Variants in KDM3B observed in about 807,000 individuals in gnomAD.
The protein encoded by KDM3B is lysine demethylase 3B.
Under a neutral mutation model 170.0 loss-of-function variants are expected in KDM3B, and 10 were observed. That is an observed-to-expected ratio of 0.06 (90% CI 0.04 to 0.10). The LOEUF (loss-of-function observed/expected upper bound fraction) is 0.10, where lower values mean the gene tolerates loss of function less well. Among genes scored for constraint, KDM3B ranks in the 10% least tolerant of loss-of-function variants. The pLI, the probability that KDM3B is intolerant of heterozygous loss-of-function variation, is 1.00. For missense variants in KDM3B, 1,394 were observed against 2,195.2 expected (o/e 0.64, Z 7.29); for synonymous variants, 831 against 834.8 (o/e 1.00, Z 0.08).
At chr5:138,407,063 G>A (rs1276935341) in intron 11 of KDM3B, among the ~76,000 whole-genome samples, 1 of 144,530 alleles carries the variant, frequency 6.9e-6, no homozygotes, top group Non-Finnish European at 1.5e-5. Context: ...TCAGCCCACT[G>A]CAACCTCCAT....
At chr5:138,430,521 T>G (rs1763503413) in intron 22 of KDM3B, 96 bp downstream of exon 22, 1 of 1,081,306 alleles carries the variant, frequency 9.2e-7, no homozygotes, top group African/African-American at 1.6e-5. Context: ...GTAGCTGGAT[T>G]GGACTGATCT....
intron 13 of KDM3B, among the ~76,000 whole-genome samples, chr5:138,418,402 C>T (rs1304513155): frequency 6.6e-6 from 1 of 152,030 alleles, no homozygotes; most frequent in Non-Finnish European, 1.5e-5. Flanking sequence ...CAGACACGCA[C>T]AACCAACTGC....
In KDM3B at chr5:138,352,836, T is replaced by G; in HGVS notation, c.41T>G (p.Leu14Arg). The G allele has an allele frequency of 2.2e-6, 3 of 1,358,742 alleles. No individual in the cohort carries two copies. Among genetic ancestry groups the G allele is most frequent in the Non-Finnish European group, 2.9e-6 (3 of 1,052,468 alleles). 84.2% of individuals were successfully genotyped at this position (1,358,742 alleles called of 1,614,324 possible). A position where few individuals can be genotyped will look rare whatever the true frequency, so the allele number is the denominator to read the frequency against. Residue 14 changes from leucine (L) to arginine (R), a missense_variant, in exon 1 of 24, where the codon CTG (leucine) becomes CGG (arginine). Physicochemically the swap from Leu to Arg is moderately radical, Grantham distance 102 (BLOSUM62 -2). This residue lies in a region of KDM3B where 99 missense variants were observed against 97.5 expected (regional missense o/e 1.02). Transcript: ENST00000314358. ...AAASPVGKRL[L>R]LLFADTAASA... ...GCCTCCCCGGTGGGCAAGCGGCTGC[T>G]GCTGCTGTTCGCGGACACTGCGGCC... is the stretch of plus-strand genomic sequence containing the variant.
At chr5:138,387,064 T>C (rs533534235) in intron 7 of KDM3B, among the ~76,000 whole-genome samples, 22 of 150,506 alleles carry the variant, frequency 1.5e-4, no homozygotes, top group Non-Finnish European at 3.0e-4. Context: ...TCTATGATAT[T>C]TTCCCTTGAG....
chr5:138,424,399 T>C, intron 16 of KDM3B, 58 bp downstream of exon 16: 1 of 1,550,054 alleles, frequency 6.5e-7, no homozygotes. Context: ...CACAGATACC[T>C]GGACAATTCC....
intron 5 of KDM3B, 121 bp downstream of exon 5, chr5:138,379,829 A>G (rs921570141): frequency 2.3e-6 from 2 of 874,956 alleles, no homozygotes; most frequent in African/African-American, 1.7e-5. Flanking sequence ...CTATTACTTA[A>G]TAGTTGTATA....
intron 14 of KDM3B, among the ~76,000 whole-genome samples, chr5:138,419,688 T>TATACACAC (rs1192676979): frequency 8.4e-6 from 1 of 119,112 alleles, no homozygotes; most frequent in African/African-American, 3.3e-5. Context: ...TATATATATA[T>TATACACAC]ACATATATAT....
chr5:138,414,925 C>G (rs1763064715), intron 11 of KDM3B, among the ~76,000 whole-genome samples: 1 of 152,078 alleles, frequency 6.6e-6, no homozygotes, highest in African/African-American at 2.4e-5. Flanking sequence ...CCACTAGACT[C>G]CAGCATGGAT....
rs1425948690 is a variant in KDM3B at position 138,386,413 on chromosome 5, A to G, written c.1172A>G (p.Gln391Arg). ...SFTPYSTATG[Q>R]TPLAPEVGGA... ...ACTCCATATTCTACAGCCACAGGTC[A>G]GACACCTTTGGCCCCAGAGGTGGGT... The change falls in exon 7 of 24, where the codon CAG (glutamine) becomes CGG (arginine). Residue 391 changes from glutamine (Q) to arginine (R), a missense_variant. Around this residue, in one of 19 missense-constraint regions of KDM3B, gnomAD observed 205 missense variants for 227.6 expected, o/e 0.90. Coordinates refer to ENST00000314358, the MANE Select transcript of KDM3B (RefSeq NM_016604.4). 1.2e-6 allele frequency: 2 copies of G among 1,614,220 alleles called. No individual in the cohort carries two copies. Among genetic ancestry groups the G allele is most frequent in the Admixed American group, 3.3e-5 (2 of 60,022 alleles).
chr5:138,362,177 C>T (rs917754126), intron 1 of KDM3B, among the ~76,000 whole-genome samples: 9 of 151,818 alleles, frequency 5.9e-5, no homozygotes, highest in Non-Finnish European at 2.9e-5. Flanking sequence ...AAAAATTAGC[C>T]GGGCATGGTG....
At chr5:138,406,867 A>C (rs1219741471) in intron 11 of KDM3B, among the ~76,000 whole-genome samples, 2 of 152,026 alleles carry the variant, frequency 1.3e-5, no homozygotes, top group Non-Finnish European at 2.9e-5. Context: ...CCAGCAGGGG[A>C]ACATAGTGAG....
chr5:138,423,352 T>C (rs995001938), intron 15 of KDM3B, among the ~76,000 whole-genome samples: 3 of 152,250 alleles, frequency 2.0e-5, no homozygotes, highest in Non-Finnish European at 2.9e-5. Flanking sequence ...TCCCATGATG[T>C]TACATAATTA....
At chr5:138,381,683 C>G (rs1216992514) in intron 6 of KDM3B, 93 bp downstream of exon 6, 5 of 772,350 alleles carry the variant, frequency 6.5e-6, no homozygotes, top group Admixed American at 2.2e-5. Context: ...CCATGGATGC[C>G]TTTTGAGTTG....
rs181513721 is a variant in KDM3B, at chr5:138,419,932, C to T, written c.3715+700C>T. Among the ~76,000 whole-genome samples the T allele has an allele frequency of 2.1e-3, 312 of 152,114 alleles. 1 individual carries two copies. The highest frequency in any genetic ancestry group is 6.5e-3 in the African/African-American group (270 of 41,512). ...TTGCTCTTGTTGCCTGGAGTTCCGG[C>T]TGGAGTGCAGTGGCGCGATCTTGGC... On this transcript the variant is annotated intron_variant, in intron 14 of 23. Transcript: ENST00000314358.
intron 1 of KDM3B, among the ~76,000 whole-genome samples, chr5:138,366,302 A>G (rs1012291662): frequency 6.6e-6 from 1 of 151,972 alleles, no homozygotes; most frequent in Non-Finnish European, 1.5e-5. Context: ...AGTTTTGAGA[A>G]CTTCCCCCCA....
chr5:138,355,891 T>C (rs1761436280), intron 1 of KDM3B, among the ~76,000 whole-genome samples: 1 of 152,258 alleles, frequency 6.6e-6, no homozygotes, highest in Non-Finnish European at 1.5e-5. Flanking sequence ...ATCTCTTTGC[T>C]CATCTTTCTT....
At chr5:138,407,012 G>A (rs1057250603) in intron 11 of KDM3B, among the ~76,000 whole-genome samples, 4 of 132,840 alleles carry the variant, frequency 3.0e-5, no homozygotes, top group Non-Finnish European at 6.2e-5. Flanking sequence ...TTGAGACAGC[G>A]TCTATCTCTG....
chr5:138,432,869 C>T (rs889993986), intron 23 of KDM3B, among the ~76,000 whole-genome samples: 8 of 151,418 alleles, frequency 5.3e-5, no homozygotes, highest in African/African-American at 1.9e-4. Flanking sequence ...CTCAGCCTCC[C>T]GAGTAGCTGG....
At chr5:138,402,935 T>G (rs533103031) in intron 11 of KDM3B, among the ~76,000 whole-genome samples, 1 of 152,332 alleles carries the variant, frequency 6.6e-6, no homozygotes, top group East Asian at 1.9e-4. Flanking sequence ...AGACAGCCCC[T>G]TGGTTTTTTG....
Sources: allele counts gnomAD v4.1 joint callset (sites outside exome capture counted in the v4.1 genomes callset), GRCh38; gene constraint gnomAD v4.1.1; regional missense constraint gnomAD v4.1.1; transcripts MANE v1.5; gene names NCBI Gene and HGNC (gene_info 2026-07-23, HGNC 2026-07-21).